JAK2: variants seen among roughly 807,000 people sequenced by gnomAD.
JAK2 encodes tyrosine-protein kinase JAK2.
In JAK2, 86 loss-of-function variants were observed where a neutral mutation model predicts 139.3. That is an observed-to-expected ratio of 0.62 (90% confidence interval 0.52 to 0.74). JAK2 has a LOEUF of 0.74. Ranked by LOEUF, JAK2 falls within the 30% of genes least tolerant of loss-of-function variation. The probability of loss-of-function intolerance (pLI) is 0.00; values close to 1 mark genes in which losing one functional copy is unlikely to be tolerated. For missense variants in JAK2, 1,421 were observed against 1,360.3 expected (o/e 1.04, Z -0.70); for synonymous variants, 490 against 437.7 (o/e 1.12, Z -1.49).
Position 5,077,526 on chromosome 9 carries a change from T to C in JAK2, c.1938T>C (p.Asn646=), listed in dbSNP as rs752932795. ...TYLKKNKNCI[N]ILWKLEVAKQ... ...TGAAAAAGAATAAAAATTGTATAAA[T>C]ATATTATGGAAACTTGAAGTTGCTA... The change falls in exon 15 of 25, where the codon AAT becomes AAC. Residue 646 remains asparagine, a synonymous_variant. Coordinates refer to ENST00000381652, the MANE Select transcript of JAK2 (RefSeq NM_004972.4). 2.0e-6 allele frequency: 3 copies of C among 1,481,264 alleles called. No homozygotes were observed. Among genetic ancestry groups the C allele is most frequent in the Non-Finnish European group, 2.7e-6 (3 of 1,108,992 alleles). 91.8% of individuals were successfully genotyped at this position (1,481,264 alleles called of 1,614,324 possible).
chr9:4,991,694 C>T (rs114328119), intron 2 of JAK2, among the ~76,000 whole-genome samples: 2 of 141,450 alleles, frequency 1.4e-5, no homozygotes, highest in African/African-American at 5.2e-5. Context: ...CCCACCCCCC[C>T]ACCCCACATC....
intron 22 of JAK2, chr9:5,109,049 G>A (rs1822217374): frequency 6.6e-6 from 1 of 151,874 alleles, no homozygotes; most frequent in African/African-American, 2.4e-5. Flanking sequence ...ATCTAGTAAG[G>A]GAACTCTCTG....
At chr9:4,989,075 A>G (rs1047486790) in intron 2 of JAK2, among the ~76,000 whole-genome samples, 1 of 152,216 alleles carries the variant, frequency 6.6e-6, no homozygotes, top group Non-Finnish European at 1.5e-5. Flanking sequence ...ACTCCTTATT[A>G]TAGCATTCCC....
At position 5,039,503 on chromosome 9, in the gene JAK2, T is replaced by C. The variant is rs1816326759; in HGVS notation, c.351-4900T>C. The stretch of plus-strand genomic sequence containing the variant: ...ATGAGTATTTGCAGATTTTGGTATG[T>C]GTGGGAGGTTCTGGAACTAGTACTG... On this transcript the variant is annotated intron_variant, in intron 4 of 24. Coordinates refer to ENST00000381652, the MANE Select transcript of JAK2 (RefSeq NM_004972.4). Among the ~76,000 whole-genome samples, 3 of 152,118 alleles carry C rather than the reference T, an allele frequency of 2.0e-5. No individual in the cohort carries two copies. In the South Asian group the frequency reaches 6.2e-4, roughly 31 times the overall value.
At chr9:5,115,147 T>A (rs1188060155) in intron 22 of JAK2, among the ~76,000 whole-genome samples, 13 of 151,718 alleles carry the variant, frequency 8.6e-5, no homozygotes, top group Admixed American at 8.5e-4. Flanking sequence ...ATGGGAAAAA[T>A]TTTTTGCAAT....
chr9:5,096,433 A>G (rs10116560), intron 22 of JAK2, among the ~76,000 whole-genome samples: 37,473 of 152,018 alleles, frequency 0.25, 5,009 homozygotes, highest in South Asian at 0.3. Flanking sequence ...ATTCAAACCC[A>G]CAAAAATTTA....
chr9:5,025,216 T>C (rs1012700236), intron 3 of JAK2, among the ~76,000 whole-genome samples: 2 of 152,218 alleles, frequency 1.3e-5, no homozygotes, highest in African/African-American at 2.4e-5. Context: ...TGTTACTCTT[T>C]TACTTTTCTA....
At chr9:5,031,546 A>G (rs1460518002) in intron 4 of JAK2, among the ~76,000 whole-genome samples, 1 of 152,212 alleles carries the variant, frequency 6.6e-6, no homozygotes, top group Non-Finnish European at 1.5e-5. Flanking sequence ...TTACTTTATA[A>G]TGTATATCAG....
At chr9:5,024,643 T>G (rs1169351464) in intron 3 of JAK2, among the ~76,000 whole-genome samples, 2 of 152,182 alleles carry the variant, frequency 1.3e-5, no homozygotes, top group Non-Finnish European at 2.9e-5. Flanking sequence ...CATCTCTGTT[T>G]TGGTTTTCAG....
At chr9:5,007,482 AT>A (rs1422801715) in intron 2 of JAK2, among the ~76,000 whole-genome samples, 1 of 152,126 alleles carries the variant, frequency 6.6e-6, no homozygotes, top group Non-Finnish European at 1.5e-5. Flanking sequence ...ATTAATTCAA[AT>A]GCAGAACTTC....
At chr9:5,066,070 G>A (rs1818548646) in intron 9 of JAK2, among the ~76,000 whole-genome samples, 1 of 152,170 alleles carries the variant, frequency 6.6e-6, no homozygotes, top group East Asian at 1.9e-4. Flanking sequence ...ACTACTATGT[G>A]CAAGCATTGG....
chr9:5,000,943 C>G (rs1241505687), intron 2 of JAK2, among the ~76,000 whole-genome samples: 1 of 152,072 alleles, frequency 6.6e-6, no homozygotes. Flanking sequence ...AAGGACTGCC[C>G]CTTCCAGGGT....
rs1259779273 is a variant in JAK2 at position 5,029,826 on chromosome 9, A to C, written c.270A>C (p.Glu90Asp). ...VYHNMFALMS[E>D]TERIWYPPNH... is the part of the protein sequence containing the mutation. Reference sequence around the variant, plus strand: ...ATAATATGTTTGCTTTAATGAGTGAAACAGAAAGGATCTGGTATCCACCCA... The same window carrying C: ...ATAATATGTTTGCTTTAATGAGTGACACAGAAAGGATCTGGTATCCACCCA... Residue 90 changes from glutamate to aspartate, a missense_variant, in exon 4 of 25, where the codon GAA becomes GAC. Transcript: ENST00000381652. The C allele has an allele frequency of 3.7e-6, 6 of 1,611,578 alleles. No individual in the cohort carries two copies. The highest frequency in any genetic ancestry group is 5.1e-6 in the Non-Finnish European group (6 of 1,178,072).
intron 23 of JAK2, among the ~76,000 whole-genome samples, chr9:5,125,307 C>A (rs1274023539): frequency 6.6e-6 from 1 of 150,916 alleles, no homozygotes; most frequent in Non-Finnish European, 1.5e-5. Flanking sequence ...AGTTTGCTCT[C>A]CTTCTGTTTC....
At chr9:5,024,568 T>C (rs1185480201) in intron 3 of JAK2, among the ~76,000 whole-genome samples, 1 of 152,106 alleles carries the variant, frequency 6.6e-6, no homozygotes, top group Non-Finnish European at 1.5e-5. Flanking sequence ...CATATGGCTT[T>C]TCTACTCTCC....
At position 5,051,515 on chromosome 9, in the gene JAK2, T is replaced by C. The variant is rs563125727; in HGVS notation, c.614+684T>C. 9.2e-5 allele frequency among the ~76,000 whole-genome samples: 14 copies of C among 152,296 alleles called. No individual in the cohort carries two copies. The South Asian group carries it at 2.5e-3, about 27-fold the overall frequency. On this transcript the variant is annotated intron_variant, in intron 6 of 24. Transcript: ENST00000381652. ...AAATCTGAGTTGAAGCCCACAAATATGAATTTTTACAGATGCTCTAGGGTA... is the reference window on the plus strand; with the variant it reads ...AAATCTGAGTTGAAGCCCACAAATACGAATTTTTACAGATGCTCTAGGGTA...
At chr9:5,043,237 T>A (rs1816749238) in intron 4 of JAK2, among the ~76,000 whole-genome samples, 2 of 152,186 alleles carry the variant, frequency 1.3e-5, no homozygotes, top group African/African-American at 4.8e-5. Context: ...AGTCTGGTTT[T>A]TGCTTTACCA....
intron 22 of JAK2, chr9:5,112,748 CGAGAA>C: frequency 1.5e-6 from 1 of 686,844 alleles, no homozygotes; most frequent in Non-Finnish European, 2.2e-6. Context: ...TTTGAAACGG[CGAGAA>C]GAGAAGGTGT....
At chr9:5,016,614 G>C (rs985628789) in intron 2 of JAK2, among the ~76,000 whole-genome samples, 5 of 152,160 alleles carry the variant, frequency 3.3e-5, no homozygotes, top group African/African-American at 9.7e-5. Flanking sequence ...TAAATGCACA[G>C]CTTAACAAAT....
Sources: gnomAD v4.1 joint callset for allele counts (sites outside exome capture counted in the v4.1 genomes callset) on GRCh38, gnomAD v4.1.1 for gene constraint, MANE v1.5 for transcripts, NCBI Gene and HGNC (gene_info 2026-07-23, HGNC 2026-07-21) for gene names.